BIN1: variants seen among roughly 807,000 people sequenced by gnomAD.
The protein encoded by BIN1 is bridging integrator 1.
A neutral mutation model predicts 82.0 loss-of-function variants in BIN1; 53 were observed. The ratio of observed to expected loss-of-function variants is 0.65; its 90% CI spans 0.52 to 0.81. The LOEUF is 0.81. Ranked by LOEUF, BIN1 falls within the 40% of genes least tolerant of loss-of-function variation. BIN1 has a pLI of 0.00. For synonymous variants in BIN1, 302 were observed against 328.0 expected (o/e 0.92, Z 0.86); for missense variants, 642 against 784.4 (o/e 0.82, Z 2.17).
rs139308574 is a variant in BIN1, at chr2:127,086,637, C to T, written c.85-9931G>A. 1.1e-3 allele frequency among the ~76,000 whole-genome samples: 172 copies of T among 152,020 alleles called. 1 individual carries two copies. The highest frequency in any genetic ancestry group is 4.0e-3 in the African/African-American group (165 of 41,466). Reference sequence around the variant, plus strand: ...ATTCCCCTGCCTCAGCCTCCAGAGTCGCTGGGACTACAGGCGCACGTCACC... The same window carrying T: ...ATTCCCCTGCCTCAGCCTCCAGAGTTGCTGGGACTACAGGCGCACGTCACC... On this transcript the variant is annotated intron_variant, in intron 1 of 18. Transcript: ENST00000316724.
chr2:127,059,524 C>G lies in BIN1; in HGVS notation c.858-369G>C, dbSNP rs1684168740. Among the ~76,000 whole-genome samples the G allele has an allele frequency of 6.6e-6, 1 of 152,022 alleles. No individual in the cohort carries two copies. Among genetic ancestry groups the G allele is most frequent in the Admixed American group, 6.5e-5 (1 of 15,272 alleles). ...AGGGCCCATGCTGACAGCCCAAGAT[C>G]CACAGCAGGAGAAAGCCAGACATCC... On this transcript the variant is annotated intron_variant, in intron 10 of 18. Transcript: ENST00000316724. The surrounding 1 kb of genome is among the most constrained non-coding windows in gnomAD (Gnocchi z 6.7).
In BIN1 at chr2:127,068,807, AC is replaced by A. The variant is rs1573636681; in HGVS notation, c.519+116del. 1.0e-6 allele frequency: 1 copy of A among 997,162 alleles called. No homozygotes were observed. The highest frequency in any genetic ancestry group is 1.3e-5 in the South Asian group (1 of 75,276). 61.8% of individuals were successfully genotyped at this position (997,162 alleles called of 1,614,324 possible). On this transcript the variant is annotated intron_variant, in intron 6 of 18. Transcript: ENST00000316724. The surrounding 1 kb of genome is among the most constrained non-coding windows in gnomAD (Gnocchi z 4.9). Reference sequence around the variant, plus strand: ...CCGGCCTGGGCCCTGTATCGTCCCCACCCCCAGTTCAGCCACCTGGGGCCAG... The same window carrying A: ...CCGGCCTGGGCCCTGTATCGTCCCCACCCCAGTTCAGCCACCTGGGGCCAG...
chr2:127,091,685 T>C (rs180926123), intron 1 of BIN1, among the ~76,000 whole-genome samples: 29 of 151,918 alleles, frequency 1.9e-4, no homozygotes, highest in Admixed American at 1.9e-3. Flanking sequence ...GGCCAGGAGT[T>C]CAAGACCAGC....
chr2:127,052,453 T>A (rs997330975), intron 14 of BIN1, 91 bp from the exon 15 acceptor site: 43 of 1,237,388 alleles, frequency 3.5e-5, no homozygotes, highest in Non-Finnish European at 8.0e-6. Flanking sequence ...AGAGAAAATG[T>A]CACCAGCGGC....
intron 1 of BIN1, among the ~76,000 whole-genome samples, chr2:127,078,053 C>A (rs1361835179): frequency 1.3e-5 from 2 of 152,218 alleles, no homozygotes; most frequent in South Asian, 2.1e-4. Flanking sequence ...GCCCATGCTG[C>A]CAGGAACATC....
At chr2:127,089,082 C>G (rs1175012499) in intron 1 of BIN1, among the ~76,000 whole-genome samples, 1 of 152,086 alleles carries the variant, frequency 6.6e-6, no homozygotes, top group East Asian at 1.9e-4. Flanking sequence ...CCTCCATAAC[C>G]TCATGAAGGA....
chr2:127,096,455 T>A (rs962122829), intron 1 of BIN1, among the ~76,000 whole-genome samples: 3 of 151,970 alleles, frequency 2.0e-5, no homozygotes, highest in Non-Finnish European at 2.9e-5. Flanking sequence ...CCCTCACACA[T>A]CCTCCCAGAC....
chr2:127,052,217 G>A, intron 15 of BIN1, 38 bp downstream of exon 15: 2 of 1,542,984 alleles, frequency 1.3e-6, no homozygotes, highest in Non-Finnish European at 1.8e-6. Flanking sequence ...CCTAGAGACT[G>A]GGGACAAGCC....
intron 1 of BIN1, among the ~76,000 whole-genome samples, chr2:127,094,669 C>T (rs569257016): frequency 2.5e-4 from 38 of 152,358 alleles, no homozygotes; most frequent in Non-Finnish European, 4.6e-4. Context: ...GGCAGGGTGA[C>T]CCGCAAGTGC....
At position 127,050,404 on chromosome 2, in the gene BIN1, C is replaced by A. The variant is rs1472140982; in HGVS notation, c.1674+17G>T. On this transcript the variant is annotated intron_variant, in intron 18 of 18. Coordinates refer to ENST00000316724, the MANE Select transcript of BIN1 (RefSeq NM_139343.3). ...CTGTGGTCCCCCTGCGCTCTGGCGG[C>A]CCCACCCAGCCCTCACCTGCTCTTC... 1.2e-6 allele frequency: 2 copies of A among 1,613,648 alleles called. No individual in the cohort carries two copies. Among genetic ancestry groups the A allele is most frequent in the Non-Finnish European group, 1.7e-6 (2 of 1,179,724 alleles).
At chr2:127,058,900 T>C in intron 11 of BIN1, 111 bp downstream of exon 11, 1 of 1,475,112 alleles carries the variant, frequency 6.8e-7, no homozygotes, top group Non-Finnish European at 9.1e-7. Flanking sequence ...ATCGGGTCCA[T>C]AGCTGCCCAG....
At chr2:127,053,590 C>A in intron 13 of BIN1, 145 bp from the exon 14 acceptor site, 3 of 1,111,258 alleles carry the variant, frequency 2.7e-6, no homozygotes, top group Non-Finnish European at 4.0e-6. Context: ...AGGTAGACTC[C>A]AAGATTTGCA....
In BIN1 at chr2:127,059,088, CG is replaced by C; in HGVS notation, c.924del (p.Glu309ArgfsTer64). On this transcript the variant is annotated frameshift_variant, in exon 11 of 19. Coordinates refer to ENST00000316724, the MANE Select transcript of BIN1 (RefSeq NM_139343.3). LOFTEE classifies it high-confidence loss of function. This position sits in a 1 kb window ranked among gnomAD's most constrained non-coding sequence, Gnocchi z 6.7. ...SPPDGSPAATPEIRVNHEPEP... is the reference protein window; with the variant it reads ...SPPDGSPAATXEIRVNHEPEP... ...TCTGGCTCGTGGTTGACTCTGATCT[CG>C]GGGGTGGCGGCAGGGGAGCCATCTG... 2 of 1,591,818 alleles carry C rather than the reference CG, an allele frequency of 1.3e-6. No individual in the cohort carries two copies. The highest frequency in any genetic ancestry group is 8.5e-7 in the Non-Finnish European group (1 of 1,170,318).
chr2:127,057,199 C>T lies in BIN1; in HGVS notation c.1131+274G>A, dbSNP rs184452447. Among the ~76,000 whole-genome samples, 213 of 152,366 alleles carry T rather than the reference C, an allele frequency of 1.4e-3. No individual in the cohort carries two copies. The highest frequency in any genetic ancestry group is 5.0e-3 in the African/African-American group (210 of 41,590). Reference sequence around the variant, plus strand: ...ATCCCCTCTGCCATAGCACCCACTGCGTCGCGAGGGCGCTGCTGATGTAAC... The same window carrying T: ...ATCCCCTCTGCCATAGCACCCACTGTGTCGCGAGGGCGCTGCTGATGTAAC... On this transcript the variant is annotated intron_variant, in intron 12 of 18. Coordinates refer to ENST00000316724, the MANE Select transcript of BIN1 (RefSeq NM_139343.3). This position sits in a 1 kb window ranked among gnomAD's most constrained non-coding sequence, Gnocchi z 5.0.
intron 2 of BIN1, among the ~76,000 whole-genome samples, chr2:127,074,471 A>G (rs1248599616): frequency 6.6e-6 from 1 of 152,222 alleles, no homozygotes; most frequent in African/African-American, 2.4e-5. Flanking sequence ...ACAGCCCAGC[A>G]GCCACCTGGC....
chr2:127,060,567 C>T (rs1005277914), intron 10 of BIN1: 18 of 1,613,846 alleles, frequency 1.1e-5, no homozygotes, highest in African/African-American at 8.0e-5. Flanking sequence ...CGGGCCTCTG[C>T]GCCCCTCCGC....
rs761658301 is a variant in BIN1 at position 127,082,590 on chromosome 2, G to C, written c.85-5884C>G. ...CAGGCTGGGGTGGCAGTGGTGAAAG[G>C]GGTACAATGGGAGTCTTAAACCCCC... On this transcript the variant is annotated intron_variant, in intron 1 of 18. Transcript: ENST00000316724. This position sits in a 1 kb window ranked among gnomAD's most constrained non-coding sequence, Gnocchi z 6.1. 1.1e-4 allele frequency among the ~76,000 whole-genome samples: 17 copies of C among 152,154 alleles called. No individual in the cohort carries two copies. Among genetic ancestry groups the C allele is most frequent in the Non-Finnish European group, 2.5e-4 (17 of 68,024 alleles).
intron 12 of BIN1, among the ~76,000 whole-genome samples, chr2:127,056,689 G>A (rs1202562168): frequency 6.6e-6 from 1 of 152,220 alleles, no homozygotes; most frequent in East Asian, 1.9e-4. Flanking sequence ...GACTTGAGGA[G>A]GCAGTCAGCT....
At position 127,048,597 on chromosome 2, in the gene BIN1, A is replaced by G; in HGVS notation, c.1711T>C (p.Trp571Arg). 1 of 1,613,524 alleles carries G rather than the reference A, an allele frequency of 6.2e-7. No individual in the cohort carries two copies. The highest frequency in any genetic ancestry group is 8.5e-7 in the Non-Finnish European group (1 of 1,180,016). The stretch of plus-strand genomic sequence containing the variant: ...TTCTCCAGCTCCTTGTGCTGGTTCC[A>G]GTCGCTCTCCTTCACGCCCATGAGC... The part of the protein sequence containing the change: ...GWLMGVKESD[W>R]NQHKELEKCR... Residue 571 changes from tryptophan to arginine, a missense_variant, in exon 19 of 19, where the codon TGG becomes CGG. Trp to Arg is a moderately radical substitution (Grantham distance 101). Transcript: ENST00000316724.
Sources: gnomAD v4.1 joint callset for allele counts (sites outside exome capture counted in the v4.1 genomes callset) on GRCh38, gnomAD v4.1.1 for gene constraint, Gnocchi (gnomAD v3.1) non-coding constraint, MANE v1.5 for transcripts, NCBI Gene and HGNC (gene_info 2026-07-23, HGNC 2026-07-21) for gene names.